R3HDM2: variants seen among roughly 807,000 people sequenced by gnomAD.
R3HDM2 encodes the protein R3H domain containing 2.
A neutral mutation model predicts 124.5 loss-of-function variants in R3HDM2; 38 were observed. That is an observed-to-expected ratio of 0.31 (90% CI 0.24 to 0.40). The LOEUF is 0.40. Ranked by LOEUF, R3HDM2 falls within the 10% of genes least tolerant of loss-of-function variation. The pLI is 1.00. For missense variants in R3HDM2, 869 were observed against 1,236.9 expected (o/e 0.70, Z 4.46); for synonymous variants, 391 against 448.0 (o/e 0.87, Z 1.61).
intron 19 of R3HDM2, among the ~76,000 whole-genome samples, chr12:57,259,942 G>A (rs759071016): frequency 2.0e-5 from 3 of 152,082 alleles, no homozygotes; most frequent in Non-Finnish European, 4.4e-5. Flanking sequence ...GCTAGGGAGA[G>A]AGACCAGCAG....
At chr12:57,397,878 C>T (rs551318003) in intron 1 of R3HDM2, among the ~76,000 whole-genome samples, 25 of 152,228 alleles carry the variant, frequency 1.6e-4, no homozygotes, top group African/African-American at 5.8e-4. Context: ...GTAATCATAT[C>T]ATAATTAAAA....
At chr12:57,409,196 T>G (rs559446898) in intron 1 of R3HDM2, among the ~76,000 whole-genome samples, 1 of 152,244 alleles carries the variant, frequency 6.6e-6, no homozygotes, top group East Asian at 1.9e-4. Flanking sequence ...TCAAAAAACC[T>G]TGGGACCTAT....
chr12:57,326,362 A>C (rs1200093855), intron 2 of R3HDM2, among the ~76,000 whole-genome samples: 3 of 152,254 alleles, frequency 2.0e-5, no homozygotes, highest in Non-Finnish European at 1.5e-5. Flanking sequence ...TGTGCCAAGC[A>C]GTTACCCATC....
intron 2 of R3HDM2, among the ~76,000 whole-genome samples, chr12:57,381,338 G>C (rs2064836807): frequency 1.3e-5 from 2 of 152,010 alleles, no homozygotes; most frequent in Non-Finnish European, 2.9e-5. Flanking sequence ...TGGATCACAA[G>C]GTCAGGAGTT....
At chr12:57,299,543 A>G in intron 5 of R3HDM2, 65 bp from the exon 6 acceptor site, 1 of 1,452,004 alleles carries the variant, frequency 6.9e-7, no homozygotes. Context: ...CTCCCTTGGA[A>G]TCTCAAAGAA....
intron 2 of R3HDM2, among the ~76,000 whole-genome samples, chr12:57,391,585 C>T (rs927541152): frequency 5.9e-5 from 9 of 152,132 alleles, no homozygotes; most frequent in African/African-American, 2.2e-4. Flanking sequence ...AATACAAGTA[C>T]ATGTAAAACT....
At chr12:57,256,332 C>A (rs904360477) in intron 22 of R3HDM2, 82 bp downstream of exon 22, 23 of 1,210,240 alleles carry the variant, frequency 1.9e-5, no homozygotes, top group Admixed American at 2.4e-5. Flanking sequence ...CCTTGTATAC[C>A]CAGCTGGTTG....
At chr12:57,325,410 A>C (rs2057165482) in intron 2 of R3HDM2, among the ~76,000 whole-genome samples, 1 of 152,168 alleles carries the variant, frequency 6.6e-6, no homozygotes, top group African/African-American at 2.4e-5. Context: ...CTCATCCCTA[A>C]TTCCTTCTGG....
At chr12:57,346,624 G>T (rs946809063) in intron 2 of R3HDM2, among the ~76,000 whole-genome samples, 3 of 152,086 alleles carry the variant, frequency 2.0e-5, no homozygotes, top group Non-Finnish European at 4.4e-5. Context: ...AAAACTAAGA[G>T]AATTCACAGT....
At chr12:57,256,325 T>C (rs1285397681) in intron 22 of R3HDM2, 89 bp downstream of exon 22, 1 of 1,160,984 alleles carries the variant, frequency 8.6e-7, no homozygotes, top group Non-Finnish European at 1.2e-6. Context: ...TTATTTCCCT[T>C]GTATACCCAG....
At chr12:57,285,390 A>C (rs919300828) in intron 12 of R3HDM2, among the ~76,000 whole-genome samples, 1 of 152,006 alleles carries the variant, frequency 6.6e-6, no homozygotes, top group African/African-American at 2.4e-5. Flanking sequence ...CACTGGCACA[A>C]CTGGTTAGGA....
chr12:57,293,061 G>A (rs976731805), intron 10 of R3HDM2, among the ~76,000 whole-genome samples: 1 of 152,216 alleles, frequency 6.6e-6, no homozygotes, highest in Non-Finnish European at 1.5e-5. Context: ...TGGAACGGGA[G>A]AAGAAACAGG....
chr12:57,280,588 C>T, intron 13 of R3HDM2, 58 bp from the exon 14 acceptor site: 1 of 1,463,818 alleles, frequency 6.8e-7, no homozygotes, highest in Non-Finnish European at 9.2e-7. Context: ...ACACATTATC[C>T]CTGGAAGCTT....
chr12:57,423,090 A>G (rs1019610415), intron 1 of R3HDM2, among the ~76,000 whole-genome samples: 3 of 152,190 alleles, frequency 2.0e-5, no homozygotes, highest in East Asian at 1.9e-4. Flanking sequence ...GTCAACAGTA[A>G]TGAATGCTGC....
intron 11 of R3HDM2, among the ~76,000 whole-genome samples, chr12:57,290,444 A>C (rs2048346233): frequency 6.6e-6 from 1 of 152,194 alleles, no homozygotes; most frequent in Non-Finnish European, 1.5e-5. Context: ...AGCAGTGTGA[A>C]CTTAGGTGGC....
intron 2 of R3HDM2, among the ~76,000 whole-genome samples, chr12:57,328,103 G>A (rs941264380): frequency 5.4e-5 from 8 of 148,334 alleles, no homozygotes; most frequent in African/African-American, 1.2e-4. Flanking sequence ...ACAGGGTCTC[G>A]TTCTGTCACC....
intron 2 of R3HDM2, among the ~76,000 whole-genome samples, chr12:57,366,180 G>GCT (rs1489601421): frequency 6.6e-6 from 1 of 151,928 alleles, no homozygotes; most frequent in African/African-American, 2.4e-5. Context: ...TTAGAGACAG[G>GCT]CTCTCTCTCT....
At chr12:57,401,219 G>C (rs543844740) in intron 1 of R3HDM2, among the ~76,000 whole-genome samples, 2 of 151,402 alleles carry the variant, frequency 1.3e-5, no homozygotes, top group South Asian at 4.2e-4. Flanking sequence ...CCCACCCCTT[G>C]AATATGAGCT....
Position 57,381,524 on chromosome 12 carries a change from G to A in R3HDM2, c.-36+14225C>T, listed in dbSNP as rs970805777. Among the ~76,000 whole-genome samples the A allele has an allele frequency of 9.7e-5, 12 of 123,104 alleles. No homozygotes were observed. The Admixed American group carries it at 1.2e-3, about 12-fold the overall frequency. 80.8% of individuals were successfully genotyped at this position (123,104 alleles called of 152,430 possible). A position where few individuals can be genotyped will look rare whatever the true frequency, so the allele number is the denominator to read the frequency against. The stretch of plus-strand genomic sequence containing the variant: ...CGTACCACTGCACTCCAGCCTGGGC[G>A]ACAGAACAAGACTCCATCTCAAAAA... On this transcript the variant is annotated intron_variant, in intron 2 of 23. Transcript: ENST00000402412.
Sources: gnomAD v4.1 joint callset for allele counts (sites outside exome capture counted in the v4.1 genomes callset) on GRCh38, gnomAD v4.1.1 for gene constraint, MANE v1.5 for transcripts, NCBI Gene and HGNC (gene_info 2026-07-23, HGNC 2026-07-21) for gene names.